The following QRICH2 variants were observed in gnomAD, a reference collection of about 807,000 sequenced individuals.
QRICH2 encodes glutamine rich 2.
QRICH2 carries 119 observed loss-of-function variants against 168.3 expected under a neutral mutation model. The ratio of observed to expected loss-of-function variants is 0.71; its 90% CI spans 0.61 to 0.82. The LOEUF (loss-of-function observed/expected upper bound fraction) is 0.82. Among genes scored for constraint, QRICH2 ranks in the 40% least tolerant of loss-of-function variants. The probability of loss-of-function intolerance (pLI) is 0.00; values close to 1 mark genes in which losing one functional copy is unlikely to be tolerated. For synonymous variants in QRICH2, 894 were observed against 951.2 expected (o/e 0.94, Z 1.11); for missense variants, 2,241 against 2,491.6 (o/e 0.90, Z 2.14).
upstream of QRICH2, chr17:76,308,467 T>C: frequency 6.1e-6 from 6 of 985,378 alleles, no homozygotes; most frequent in Non-Finnish European, 7.2e-6. Context: ...CAGGATTCAC[T>C]CACTCTTGGC....
chr17:76,289,103 CA>C lies in QRICH2; in HGVS notation c.3798+888del, dbSNP rs541768411. Among the ~76,000 whole-genome samples the C allele has an allele frequency of 9.4e-3, 767 of 81,438 alleles. 6 individuals are homozygous for C. Among genetic ancestry groups the C allele is most frequent in the African/African-American group, 0.024 (556 of 23,124 alleles). 53.4% of individuals were successfully genotyped at this position (81,438 alleles called of 152,430 possible). ...TTGGCGACAGAGTGAGACTGTGTCT[CA>C]AAAAAAAAAAAAAAGAAAAAAAGAA... is the stretch of plus-strand genomic sequence containing the variant. On this transcript the variant is annotated intron_variant, in intron 5 of 18. Transcript: ENST00000680821.
Position 76,292,141 on chromosome 17 carries a change from G to A in QRICH2, c.2586C>T (p.Val862=), listed in dbSNP as rs751793290. 152 of 1,604,348 alleles carry A rather than the reference G, an allele frequency of 9.5e-5. No individual in the cohort carries two copies. The highest frequency in any genetic ancestry group is 1.4e-5 in the Non-Finnish European group (16 of 1,176,222). Residue 862 remains valine (V), a synonymous_variant, in exon 4 of 19, where the codon GTC becomes GTT. Transcript: ENST00000680821. The part of the protein sequence containing the change: ...VQPGADQRGL[V]QPGVDQRGLV... Reference sequence around the variant, plus strand: ...AACCACGCTGATCCACTCCAGGTTGGACCAAACCACGCTGATCTGCACCAG... The same window carrying A: ...AACCACGCTGATCCACTCCAGGTTGAACCAAACCACGCTGATCTGCACCAG...
Position 76,280,468 on chromosome 17 carries a change from A to G in QRICH2, c.4462-17T>C. On this transcript the variant is annotated splice_polypyrimidine_tract_variant and intron_variant, in intron 10 of 18. Transcript: ENST00000680821. This position sits in a 1 kb window ranked among gnomAD's most constrained non-coding sequence, Gnocchi z 7.4. ...GTCGGCTTTCTGCCCAGAGACAGACAGAGGTCCCCGCATCTGGGAGATGGC... is the reference window on the plus strand; with the variant it reads ...GTCGGCTTTCTGCCCAGAGACAGACGGAGGTCCCCGCATCTGGGAGATGGC... 1 of 1,612,318 alleles carries G rather than the reference A, an allele frequency of 6.2e-7. No homozygotes were observed. The highest frequency in any genetic ancestry group is 8.5e-7 in the Non-Finnish European group (1 of 1,179,094).
intron 3 of QRICH2, among the ~76,000 whole-genome samples, chr17:76,303,474 T>A (rs2070937663): frequency 6.6e-6 from 1 of 152,162 alleles, no homozygotes; most frequent in Non-Finnish European, 1.5e-5. Flanking sequence ...TTTGAATATA[T>A]CCAGCTTGAT....
At chr17:76,285,326 G>A (rs1181009845) in intron 7 of QRICH2, among the ~76,000 whole-genome samples, 2 of 151,888 alleles carry the variant, frequency 1.3e-5, no homozygotes, top group Non-Finnish European at 2.9e-5. Flanking sequence ...TAGAGACGGG[G>A]TTTCACCATG....
At chr17:76,304,113 G>A (rs1012291045) in intron 3 of QRICH2, among the ~76,000 whole-genome samples, 5 of 152,068 alleles carry the variant, frequency 3.3e-5, no homozygotes, top group African/African-American at 1.2e-4. Flanking sequence ...GCGCTGGGGG[G>A]ATGTCAGGGA....
Position 76,291,673 on chromosome 17 carries a change from T to C in QRICH2, c.3054A>G (p.Gln1018=), listed in dbSNP as rs1308812153. Reference sequence around the variant, plus strand: ...CTAGGAGTGGTGACACCTGGCCGTATTGTTCTCTGCCAGGAGGTACCATAC... The same window carrying C: ...CTAGGAGTGGTGACACCTGGCCGTACTGTTCTCTGCCAGGAGGTACCATAC... ...QHGMVPPGRE[Q]YGQVSPLLAS... Residue 1018 remains glutamine (Q), a synonymous_variant, in exon 4 of 19, where the codon CAA becomes CAG. Coordinates refer to ENST00000680821, the MANE Select transcript of QRICH2 (RefSeq NM_001388453.1). 6.2e-7 allele frequency: 1 copy of C among 1,614,158 alleles called. No individual in the cohort carries two copies. Among genetic ancestry groups the C allele is most frequent in the Non-Finnish European group, 8.5e-7 (1 of 1,180,008 alleles).
In QRICH2 at chr17:76,280,628, C is replaced by T. The variant is rs1458665369; in HGVS notation, c.4461+26G>A. 31 of 1,613,318 alleles carry T rather than the reference C, an allele frequency of 1.9e-5. No individual in the cohort carries two copies. The highest frequency in any genetic ancestry group is 2.7e-5 in the African/African-American group (2 of 74,926). On this transcript the variant is annotated intron_variant, in intron 10 of 18. Coordinates refer to ENST00000680821, the MANE Select transcript of QRICH2 (RefSeq NM_001388453.1). The surrounding 1 kb of genome is among the most constrained non-coding windows in gnomAD (Gnocchi z 7.4). ...TCAGCGAGACCGCCCTGGGACACAG[C>T]GTGGCTCCTGGGGCCTGGCACCCAC...
intron 3 of QRICH2, among the ~76,000 whole-genome samples, chr17:76,299,433 A>T (rs2070858656): frequency 6.6e-6 from 1 of 152,140 alleles, no homozygotes; most frequent in Non-Finnish European, 1.5e-5. Flanking sequence ...GGAAAGCGGC[A>T]TCAGAAAGAT....
chr17:76,306,655 G>C (rs2070995579), intron 1 of QRICH2, among the ~76,000 whole-genome samples: 1 of 152,216 alleles, frequency 6.6e-6, no homozygotes, highest in South Asian at 2.1e-4. Flanking sequence ...GGGAGGCCGA[G>C]GCGGGCAGAT....
chr17:76,292,506 C>A lies in QRICH2; in HGVS notation c.2221G>T (p.Ala741Ser). 4 of 1,569,044 alleles carry A rather than the reference C, an allele frequency of 2.5e-6. No homozygotes were observed. Among genetic ancestry groups the A allele is most frequent in the Non-Finnish European group, 3.5e-6 (4 of 1,151,350 alleles). Residue 741 changes from alanine to serine, a missense_variant, in exon 4 of 19, where the codon GCA becomes TCA. By Grantham distance (99) the Ala-to-Ser change is moderately conservative. Transcript: ENST00000680821. ...CGCTGATGATCTGCACGAGGTTGTG[C>A]CAAACCACGCTGATCTACTCCAGGT... ...VQPGVDQRGL[A>S]QPRADHQRGL... is the part of the protein sequence containing the mutation.
chr17:76,279,746 T>A (rs2143156420), intron 12 of QRICH2, among the ~76,000 whole-genome samples: 1 of 152,264 alleles, frequency 6.6e-6, no homozygotes, highest in Non-Finnish European at 1.5e-5. Flanking sequence ...AGGAGCTGTC[T>A]CAGCTCTGGG....
In QRICH2 at chr17:76,276,030, G is replaced by A. The variant is rs544916153; in HGVS notation, c.5354-83C>T. The A allele has an allele frequency of 3.0e-5, 46 of 1,520,706 alleles. No individual in the cohort carries two copies. The East Asian group carries it at 7.5e-4, about 25-fold the overall frequency. 94.2% of individuals were successfully genotyped at this position (1,520,706 alleles called of 1,614,324 possible). ...AACCCCTGGGGGTGGGGAGAGGGCC[G>A]CAGGGCTGCTGGTCATGGCCGGCCT... is the stretch of plus-strand genomic sequence containing the variant. On this transcript the variant is annotated intron_variant, in intron 17 of 18. Transcript: ENST00000680821.
In QRICH2 at chr17:76,293,962, A is replaced by G; in HGVS notation, c.765T>C (p.Pro255=). 1 of 1,614,076 alleles carries G rather than the reference A, an allele frequency of 6.2e-7. No individual in the cohort carries two copies. The highest frequency in any genetic ancestry group is 8.5e-7 in the Non-Finnish European group (1 of 1,179,972). The change falls in exon 4 of 19, where the codon CCT becomes CCC. Residue 255 remains proline, a synonymous_variant. Transcript: ENST00000680821. ...KHGGFTSLTS[P]EGTLSGDSTK... is the part of the protein sequence containing the mutation. ...TAGAGTCTCCGCTTAGAGTCCCTTC[A>G]GGTGATGTTAAGGAAGTGAACCCTC...
At chr17:76,289,654 G>A (rs1032201198) in intron 5 of QRICH2, among the ~76,000 whole-genome samples, 1 of 152,062 alleles carries the variant, frequency 6.6e-6, no homozygotes, top group Admixed American at 6.5e-5. Flanking sequence ...AGACAAAGTG[G>A]GGGCTGGGCA....
Position 76,307,540 on chromosome 17 carries a change from C to A in QRICH2, c.459G>T (p.Val153=). The A allele has an allele frequency of 6.3e-7, 1 of 1,599,024 alleles. No individual in the cohort carries two copies. Residue 153 remains valine (V), a synonymous_variant, in exon 1 of 19, where the codon GTG becomes GTT. Coordinates refer to ENST00000680821, the MANE Select transcript of QRICH2 (RefSeq NM_001388453.1). This position sits in a 1 kb window ranked among gnomAD's most constrained non-coding sequence, Gnocchi z 5.3. ...AALEWPEEQE[V]GVRAFDRVRT... ...GCACCCTATCGAACGCCCGCACGCC[C>A]ACCTCCTGCTCCTCCGGCCACTCTA...
At chr17:76,295,394 C>A (rs1024421364) in intron 3 of QRICH2, among the ~76,000 whole-genome samples, 3 of 152,214 alleles carry the variant, frequency 2.0e-5, no homozygotes, top group Non-Finnish European at 4.4e-5. Context: ...GTGGCTCACG[C>A]CTGTCATCCC....
intron 1 of QRICH2, among the ~76,000 whole-genome samples, chr17:76,305,793 G>A (rs1199331869): frequency 1.3e-5 from 2 of 152,050 alleles, no homozygotes; most frequent in African/African-American, 4.8e-5. Context: ...TTGGGATTAA[G>A]AAAAAATATA....
At position 76,280,289 on chromosome 17, in the gene QRICH2, T is replaced by C. The variant is rs1478667729; in HGVS notation, c.4624A>G (p.Lys1542Glu). 2 of 1,613,914 alleles carry C rather than the reference T, an allele frequency of 1.2e-6. No homozygotes were observed. The highest frequency in any genetic ancestry group is 1.7e-5 in the Admixed American group (1 of 59,992). Residue 1542 changes from lysine (K) to glutamate (E), a missense_variant and splice_region_variant, in exon 11 of 19, where the codon AAG becomes GAG. This residue lies in a region of QRICH2 where 2,047 missense variants were observed against 2,303.8 expected (regional missense o/e 0.89). Coordinates refer to ENST00000680821, the MANE Select transcript of QRICH2 (RefSeq NM_001388453.1). The surrounding 1 kb of genome is among the most constrained non-coding windows in gnomAD (Gnocchi z 7.4). ...GCCCCGCCATGCCCCTGCCTCACCT[T>C]GTTGTCCATCTCTGTGAGCAGCCTG... is the stretch of plus-strand genomic sequence containing the variant. ...LDRLLTEMDN[K>E]LDRLELDPVK...
Sources: allele counts gnomAD v4.1 joint callset (sites outside exome capture counted in the v4.1 genomes callset), GRCh38; gene constraint gnomAD v4.1.1; regional missense constraint gnomAD v4.1.1; non-coding constraint Gnocchi (gnomAD v3.1); transcripts MANE v1.5; gene names NCBI Gene and HGNC (gene_info 2026-07-23, HGNC 2026-07-21).